The following EPHA5 variants were observed in gnomAD, a reference collection of about 807,000 sequenced individuals.
EPHA5 encodes EPH receptor A5.
Under a neutral mutation model 105.0 loss-of-function variants are expected in EPHA5, and 60 were observed. That is an observed-to-expected ratio of 0.57 (90% CI 0.46 to 0.71). The LOEUF is 0.71. EPHA5 is among the 30% of genes least tolerant of loss of function. The pLI, the probability that EPHA5 is intolerant of heterozygous loss-of-function variation, is 0.00. For synonymous variants in EPHA5, 513 were observed against 449.1 expected, an observed-to-expected ratio of 1.14 and a Z score of -1.80; for missense variants, 1,218 against 1,274.7, an observed-to-expected ratio of 0.96 and a Z score of 0.68.
intron 14 of EPHA5, among the ~76,000 whole-genome samples, chr4:65,347,109 A>G (rs965602781): frequency 1.3e-5 from 2 of 152,204 alleles, no homozygotes; most frequent in African/African-American, 4.8e-5. Context: ...GCTATATAGT[A>G]TCTGTCTAAC....
At chr4:65,490,790 G>T in intron 4 of EPHA5, 78 bp from the exon 5 acceptor site, 1 of 1,399,270 alleles carries the variant, frequency 7.1e-7, no homozygotes, top group South Asian at 1.4e-5. Context: ...CCAATTCCTG[G>T]TCTGAAGGAA....
At chr4:65,594,612 A>C (rs1742992371) in intron 3 of EPHA5, among the ~76,000 whole-genome samples, 2 of 152,188 alleles carry the variant, frequency 1.3e-5, no homozygotes, top group South Asian at 4.1e-4. Context: ...CAGATTTAAA[A>C]GTTTGACCAG....
chr4:65,419,540 T>A (rs531247251), intron 6 of EPHA5, among the ~76,000 whole-genome samples: 28 of 152,300 alleles, frequency 1.8e-4, no homozygotes, highest in South Asian at 1.7e-3. Context: ...TATTTCTAGC[T>A]CAGACTCTCC....
chr4:65,552,510 G>A (rs554968021), intron 3 of EPHA5, among the ~76,000 whole-genome samples: 28 of 152,094 alleles, frequency 1.8e-4, no homozygotes, highest in Non-Finnish European at 3.2e-4. Flanking sequence ...ATCTCATTTA[G>A]GATTCAAGGA....
intron 3 of EPHA5, among the ~76,000 whole-genome samples, chr4:65,554,757 G>A (rs1241151027): frequency 6.6e-6 from 1 of 151,492 alleles, no homozygotes; most frequent in Non-Finnish European, 1.5e-5. Context: ...ATATGAATTA[G>A]AGAATTATTT....
intron 7 of EPHA5, among the ~76,000 whole-genome samples, chr4:65,408,321 T>C (rs1722570557): frequency 6.6e-6 from 1 of 152,166 alleles, no homozygotes; most frequent in Non-Finnish European, 1.5e-5. Flanking sequence ...CCTTTAGTTA[T>C]GCATGTTTCT....
chr4:65,485,599 A>G (rs1483797507), intron 5 of EPHA5, among the ~76,000 whole-genome samples: 1 of 152,188 alleles, frequency 6.6e-6, no homozygotes, highest in East Asian at 1.9e-4. Flanking sequence ...AATACTATGT[A>G]TACATTTATA....
At chr4:65,363,116 T>C (rs1717496337) in intron 11 of EPHA5, among the ~76,000 whole-genome samples, 1 of 151,474 alleles carries the variant, frequency 6.6e-6, no homozygotes, top group East Asian at 1.9e-4. Flanking sequence ...AAAGAGGCAA[T>C]GAAGGCAGGG....
intron 2 of EPHA5, among the ~76,000 whole-genome samples, chr4:65,639,462 G>A (rs1361691272): frequency 6.6e-6 from 1 of 152,124 alleles, no homozygotes; most frequent in Non-Finnish European, 1.5e-5. Context: ...GCTGTGCAAA[G>A]TACTGAGGAT....
At position 65,336,079 on chromosome 4, in the gene EPHA5, T is replaced by G. The variant is rs770072252; in HGVS notation, c.2642A>C (p.Asp881Ala). The G allele has an allele frequency of 1.9e-6, 3 of 1,612,634 alleles. No individual in the cohort carries two copies. The African/African-American group carries it at 4.0e-5, about 22-fold the overall frequency. The change falls in exon 15 of 17, where the codon GAT (aspartate) becomes GCT (alanine). Residue 881 changes from aspartate to alanine, a missense_variant. By Grantham distance (126) the Asp-to-Ala change is moderately radical. Transcript: ENST00000613740. ...EEGYRLPSPMDCPAALYQLML... is the reference protein window; with the variant it reads ...EEGYRLPSPMACPAALYQLML... ...TAACTGATAGAGAGCAGCAGGACAA[T>G]CCATGGGGCTTGGCAGACGATAGCC...
chr4:65,513,638 T>A (rs1295056375), intron 3 of EPHA5, among the ~76,000 whole-genome samples: 3 of 152,120 alleles, frequency 2.0e-5, no homozygotes, highest in Non-Finnish European at 4.4e-5. Flanking sequence ...CGCCTGCCTC[T>A]GCCTCCCAAA....
chr4:65,512,270 G>A (rs1733697958), intron 3 of EPHA5, among the ~76,000 whole-genome samples: 1 of 152,010 alleles, frequency 6.6e-6, no homozygotes, highest in Non-Finnish European at 1.5e-5. Flanking sequence ...ATGGCACTAA[G>A]CATGACATTG....
In EPHA5 at chr4:65,365,678, TATATATATATA is replaced by T. The variant is rs1560458142; in HGVS notation, c.1987+243_1987+253del. The stretch of plus-strand genomic sequence containing the variant: ...ATATATATATATATATATATATATA[TATATATATATA>T]GTGAAACATTATCTATTTAAAATAT... On this transcript the variant is annotated intron_variant, in intron 10 of 16. Coordinates refer to ENST00000613740, the MANE Select transcript of EPHA5 (RefSeq NM_001281766.3). Among the ~76,000 whole-genome samples the T allele has an allele frequency of 1.2e-3, 144 of 121,298 alleles. 2 individuals carry two copies. The highest frequency in any genetic ancestry group is 2.1e-3 in the Non-Finnish European group (112 of 54,576). The allele number at this position is 121,298 out of a possible 152,430, so 79.6% of individuals were successfully genotyped here. A position where few individuals can be genotyped will look rare whatever the true frequency, so the allele number is the denominator to read the frequency against.
chr4:65,458,419 A>T lies in EPHA5; in HGVS notation c.1402+31958T>A, dbSNP rs1414688190. On this transcript the variant is annotated intron_variant, in intron 5 of 16. Transcript: ENST00000613740. The stretch of plus-strand genomic sequence containing the variant: ...TTGACAATGCTACTTCTCTGCCTTT[A>T]CTCAATATGTTTCCATAACTCAACA... Among the ~76,000 whole-genome samples the T allele has an allele frequency of 3.9e-5, 6 of 152,128 alleles. No individual in the cohort carries two copies. In the East Asian group the frequency reaches 9.6e-4, roughly 24 times the overall value.
At chr4:65,487,144 C>G (rs1489989985) in intron 5 of EPHA5, among the ~76,000 whole-genome samples, 1 of 152,166 alleles carries the variant, frequency 6.6e-6, no homozygotes, top group South Asian at 2.1e-4. Context: ...AATTAAACCT[C>G]TTTTCTTTAT....
At chr4:65,472,748 C>G (rs1349318827) in intron 5 of EPHA5, among the ~76,000 whole-genome samples, 1 of 152,066 alleles carries the variant, frequency 6.6e-6, no homozygotes, top group Non-Finnish European at 1.5e-5. Flanking sequence ...AAAACCTGGC[C>G]CACAAAACCT....
chr4:65,340,058 T>C (rs533134950), intron 14 of EPHA5, among the ~76,000 whole-genome samples: 2 of 152,290 alleles, frequency 1.3e-5, no homozygotes, highest in African/African-American at 4.8e-5. Flanking sequence ...AGGACAAATT[T>C]GTAATATTGT....
chr4:65,488,452 G>T (rs1232764278), intron 5 of EPHA5, among the ~76,000 whole-genome samples: 1 of 152,116 alleles, frequency 6.6e-6, no homozygotes, highest in East Asian at 1.9e-4. Flanking sequence ...GAAGCCAAAG[G>T]TTTCAAGCCA....
chr4:65,447,113 A>G (rs947413568), intron 5 of EPHA5, among the ~76,000 whole-genome samples: 3 of 151,454 alleles, frequency 2.0e-5, no homozygotes, highest in Non-Finnish European at 4.4e-5. Flanking sequence ...CAGTCTCCCA[A>G]GTAGCTAGGA....
Sources: gnomAD v4.1 joint callset for allele counts (sites outside exome capture counted in the v4.1 genomes callset) on GRCh38, gnomAD v4.1.1 for gene constraint, MANE v1.5 for transcripts, NCBI Gene and HGNC (gene_info 2026-07-23, HGNC 2026-07-21) for gene names.